The following HSD17B12 variants were observed in gnomAD, a reference collection of about 807,000 sequenced individuals.
The protein encoded by HSD17B12 is hydroxysteroid 17-beta dehydrogenase 12, also known as very-long-chain 3-oxoacyl-CoA reductase.
Under a neutral mutation model 39.3 loss-of-function variants are expected in HSD17B12, and 32 were observed. The observed-to-expected ratio is 0.81, with a 90% CI of 0.61 to 1.09. HSD17B12 has a LOEUF of 1.09. Ranked by LOEUF, HSD17B12 falls within the 50% of genes least tolerant of loss-of-function variation. The pLI, the probability that HSD17B12 is intolerant of heterozygous loss-of-function variation, is 0.00. For missense variants in HSD17B12, 342 were observed against 382.9 expected, an observed-to-expected ratio of 0.89 and a Z score of 0.89; for synonymous variants, 150 against 146.7, an observed-to-expected ratio of 1.02 and a Z score of -0.16.
intron 1 of HSD17B12, among the ~76,000 whole-genome samples, chr11:43,705,795 G>T (rs986064035): frequency 8.8e-6 from 1 of 114,258 alleles, no homozygotes; most frequent in African/African-American, 3.3e-5. Context: ...TTGAGATAGG[G>T]TCTTGCTCTG....
chr11:43,761,561 C>CT (rs1181183144), intron 3 of HSD17B12, among the ~76,000 whole-genome samples: 1 of 152,188 alleles, frequency 6.6e-6, no homozygotes, highest in African/African-American at 2.4e-5. Flanking sequence ...TTAGACAATC[C>CT]TTTTGCTCCT....
chr11:43,743,958 T>A (rs1950391526), intron 1 of HSD17B12, among the ~76,000 whole-genome samples: 1 of 152,178 alleles, frequency 6.6e-6, no homozygotes, highest in Non-Finnish European at 1.5e-5. Flanking sequence ...AACAAGATGC[T>A]GTTAAAAGCG....
chr11:43,772,700 A>G (rs1184494207), intron 3 of HSD17B12, among the ~76,000 whole-genome samples: 1 of 152,234 alleles, frequency 6.6e-6, no homozygotes, highest in African/African-American at 2.4e-5. Flanking sequence ...GTCCATGGGA[A>G]TGGTTACTTT....
At chr11:43,637,875 G>A in the HSD17B12 span, among the ~76,000 whole-genome samples, 1 of 152,066 alleles carries the variant, frequency 6.6e-6, no homozygotes, top group Non-Finnish European at 1.5e-5. Flanking sequence ...GGATGGGGAG[G>A]GGTTATATTT....
intron 3 of HSD17B12, among the ~76,000 whole-genome samples, chr11:43,771,178 A>G (rs1265763048): frequency 6.6e-6 from 1 of 152,198 alleles, no homozygotes; most frequent in East Asian, 1.9e-4. Flanking sequence ...TGTATGATAC[A>G]GTATAGTTTC....
At chr11:43,810,403 A>ATATATATATATATATATATATAT (rs1565097561) in intron 4 of HSD17B12, among the ~76,000 whole-genome samples, 25 of 71,962 alleles carry the variant, frequency 3.5e-4, no homozygotes, top group African/African-American at 1.1e-3. Flanking sequence ...ATATATATAT[A>ATATATATATATATATATATATAT]AAATTCAGAA....
At chr11:43,567,020 A>C in the HSD17B12 span, among the ~76,000 whole-genome samples, 1 of 152,316 alleles carries the variant, frequency 6.6e-6, no homozygotes, top group East Asian at 1.9e-4. Context: ...TCCATCACTT[A>C]GTTTATCAGA....
intron 1 of HSD17B12, among the ~76,000 whole-genome samples, chr11:43,682,544 CAAAAAA>C (rs55938101): frequency 8.4e-6 from 1 of 118,446 alleles, no homozygotes; most frequent in Non-Finnish European, 1.7e-5. Flanking sequence ...AGACTCATCT[CAAAAAA>C]AAAAAAAAAA....
chr11:43,604,203 T>C, the HSD17B12 span, among the ~76,000 whole-genome samples: 1 of 152,220 alleles, frequency 6.6e-6, no homozygotes, highest in African/African-American at 2.4e-5. Context: ...GAATATTCAA[T>C]AATTTCTTAT....
rs1951573023 is a variant in HSD17B12, at chr11:43,855,331, C to G, written c.*83C>G. The G allele has an allele frequency of 2.8e-6, 2 of 704,164 alleles. No individual in the cohort carries two copies. The highest frequency in any genetic ancestry group is 4.7e-6 in the Non-Finnish European group (2 of 429,822). The allele number at this position is 704,164 out of a possible 1,614,324, so 43.6% of individuals were successfully genotyped here. ...AAAGCACCCTACTGGTTTTGAAAATCTGACCTTGTCATTTCAATAGTTATT... is the reference window on the plus strand; with the variant it reads ...AAAGCACCCTACTGGTTTTGAAAATGTGACCTTGTCATTTCAATAGTTATT... On this transcript the variant is annotated 3_prime_UTR_variant, in exon 11 of 11. Transcript: ENST00000278353.
chr11:43,798,711 C>T (rs1950937331), intron 4 of HSD17B12, among the ~76,000 whole-genome samples: 1 of 152,012 alleles, frequency 6.6e-6, no homozygotes, highest in South Asian at 2.1e-4. Flanking sequence ...GGTATAGGTT[C>T]CAGGACCTCT....
At chr11:43,709,754 C>G (rs1950047884) in intron 1 of HSD17B12, among the ~76,000 whole-genome samples, 1 of 152,138 alleles carries the variant, frequency 6.6e-6, no homozygotes. Flanking sequence ...ATTCAGAAAA[C>G]TATGAATTGA....
the HSD17B12 span, among the ~76,000 whole-genome samples, chr11:43,627,566 T>C: frequency 6.6e-6 from 1 of 151,978 alleles, no homozygotes; most frequent in South Asian, 2.1e-4. Flanking sequence ...AGCTTAAAAA[T>C]TAAATTGTTT....
intron 1 of HSD17B12, among the ~76,000 whole-genome samples, chr11:43,728,300 A>G (rs1381834112): frequency 6.6e-6 from 1 of 152,116 alleles, no homozygotes; most frequent in Non-Finnish European, 1.5e-5. Flanking sequence ...TCCTGACCTC[A>G]GGTGATCTGC....
intron 6 of HSD17B12, among the ~76,000 whole-genome samples, chr11:43,825,571 T>C (rs993475677): frequency 6.6e-6 from 1 of 152,248 alleles, no homozygotes; most frequent in Non-Finnish European, 1.5e-5. Context: ...TGATAAATTA[T>C]GGGAAGGAGA....
chr11:43,661,691 T>TA, the HSD17B12 span, among the ~76,000 whole-genome samples: 2 of 152,050 alleles, frequency 1.3e-5, no homozygotes, highest in South Asian at 4.1e-4. Flanking sequence ...GTATAAAACT[T>TA]ACATACAAGG....
intron 9 of HSD17B12, among the ~76,000 whole-genome samples, chr11:43,843,984 C>A (rs1464189318): frequency 6.6e-6 from 1 of 152,200 alleles, no homozygotes; most frequent in Non-Finnish European, 1.5e-5. Context: ...TGTGCATGGT[C>A]AAGCTTTGTG....
At chr11:43,769,274 G>A (rs181088924) in intron 3 of HSD17B12, among the ~76,000 whole-genome samples, 4 of 152,280 alleles carry the variant, frequency 2.6e-5, no homozygotes, top group Non-Finnish European at 5.9e-5. Context: ...GTATTTAAGC[G>A]TGGCTTTAAA....
intron 3 of HSD17B12, among the ~76,000 whole-genome samples, chr11:43,785,131 C>T (rs1231449048): frequency 6.6e-6 from 1 of 151,640 alleles, no homozygotes; most frequent in Non-Finnish European, 1.5e-5. Flanking sequence ...GCTCTGGTAA[C>T]TTCTGGTTTA....
Sources: gnomAD v4.1 joint callset for allele counts (sites outside exome capture counted in the v4.1 genomes callset) on GRCh38, gnomAD v4.1.1 for gene constraint, MANE v1.5 for transcripts, NCBI Gene and HGNC (gene_info 2026-07-23, HGNC 2026-07-21) for gene names.